WWOX: variants seen among roughly 807,000 people sequenced by gnomAD.
The protein encoded by WWOX is WW domain-containing oxidoreductase.
WWOX carries 69 observed loss-of-function variants against 46.2 expected under a neutral mutation model. The observed-to-expected ratio is 1.49, with a 90% confidence interval of 1.23 to 1.82. WWOX has a LOEUF of 1.82. WWOX is among the 40% of genes most tolerant of loss of function. The pLI is 0.00. For synonymous variants in WWOX, 359 were observed against 202.6 expected (o/e 1.77, Z -6.56); for missense variants, 919 against 542.6 (o/e 1.69, Z -6.89).
Position 78,753,315 on chromosome 16 carries a change from T to G in WWOX, c.1056+320563T>G, listed in dbSNP as rs138293123. 7.3e-3 allele frequency among the ~76,000 whole-genome samples: 1,097 copies of G among 150,476 alleles called. 7 individuals carry two copies. The highest frequency in any genetic ancestry group is 0.025 in the African/African-American group (1,002 of 40,546). On this transcript the variant is annotated intron_variant, in intron 8 of 8. Transcript: ENST00000566780. ...GCCTGAGCGACAGAGTGAGACTCCG[T>G]CTCAAAAAAAAAGAAAAAAGAAAGA...
chr16:78,827,050 G>A (rs2051676999), intron 8 of WWOX, among the ~76,000 whole-genome samples: 1 of 152,128 alleles, frequency 6.6e-6, no homozygotes, highest in Admixed American at 6.5e-5. Context: ...GATGGTGCAA[G>A]GGAACCAGAG....
chr16:78,451,229 G>C (rs1266941309), intron 8 of WWOX, among the ~76,000 whole-genome samples: 1 of 152,164 alleles, frequency 6.6e-6, no homozygotes, highest in Non-Finnish European at 1.5e-5. Flanking sequence ...CCAGGGATGG[G>C]TCCTCATGTT....
At chr16:78,849,714 A>G (rs1460572636) in intron 8 of WWOX, among the ~76,000 whole-genome samples, 1 of 152,070 alleles carries the variant, frequency 6.6e-6, no homozygotes, top group Non-Finnish European at 1.5e-5. Flanking sequence ...TCTAATCTTG[A>G]TGCAGTGAGC....
intron 8 of WWOX, among the ~76,000 whole-genome samples, chr16:78,711,661 C>T (rs571893799): frequency 4.6e-5 from 7 of 152,110 alleles, no homozygotes; most frequent in Non-Finnish European, 8.8e-5. Context: ...TTGAGACGAA[C>T]AGGCCAAATG....
At chr16:78,600,222 A>G (rs751212544) in intron 8 of WWOX, among the ~76,000 whole-genome samples, 1 of 152,046 alleles carries the variant, frequency 6.6e-6, no homozygotes, top group South Asian at 2.1e-4. Flanking sequence ...CTCCCACAAC[A>G]CATGGGAATT....
chr16:78,711,001 C>T (rs954290138), intron 8 of WWOX, among the ~76,000 whole-genome samples: 1 of 152,150 alleles, frequency 6.6e-6, no homozygotes, highest in African/African-American at 2.4e-5. Flanking sequence ...CCACAAATAA[C>T]TTACATGTTT....
intron 8 of WWOX, among the ~76,000 whole-genome samples, chr16:78,761,451 C>A (rs1314303065): frequency 6.6e-6 from 1 of 152,122 alleles, no homozygotes; most frequent in African/African-American, 2.4e-5. Flanking sequence ...TCAAACTCAC[C>A]ATTGTCACCG....
intron 8 of WWOX, among the ~76,000 whole-genome samples, chr16:78,847,869 C>T (rs189838390): frequency 8.3e-4 from 126 of 152,304 alleles, no homozygotes; most frequent in South Asian, 3.1e-3. Flanking sequence ...ATCTTAGCAG[C>T]AGAGGCATGA....
At chr16:79,094,394 C>T (rs1296770962) in intron 8 of WWOX, among the ~76,000 whole-genome samples, 3 of 152,104 alleles carry the variant, frequency 2.0e-5, no homozygotes, top group South Asian at 2.1e-4. Flanking sequence ...GGATTACAGG[C>T]GCCCGCCACC....
intron 8 of WWOX, among the ~76,000 whole-genome samples, chr16:79,057,878 A>G (rs548538898): frequency 6.6e-6 from 1 of 152,166 alleles, no homozygotes. Flanking sequence ...TTCCATATCC[A>G]TAATGTGCAA....
At chr16:78,651,808 C>T (rs1170479555) in intron 8 of WWOX, among the ~76,000 whole-genome samples, 1 of 152,208 alleles carries the variant, frequency 6.6e-6, no homozygotes, top group African/African-American at 2.4e-5. Flanking sequence ...AATCTGGCTT[C>T]TAACAAACTG....
At chr16:78,696,562 C>G (rs574242515) in intron 8 of WWOX, among the ~76,000 whole-genome samples, 2 of 152,168 alleles carry the variant, frequency 1.3e-5, no homozygotes, top group Non-Finnish European at 2.9e-5. Context: ...TCCCAGTGAT[C>G]ACAAGGGCAA....
At chr16:79,142,482 C>T (rs186302442) in intron 8 of WWOX, among the ~76,000 whole-genome samples, 1 of 152,292 alleles carries the variant, frequency 6.6e-6, no homozygotes, top group East Asian at 1.9e-4. Context: ...CCCTCCTCCC[C>T]ACCAAAGCTG....
intron 8 of WWOX, among the ~76,000 whole-genome samples, chr16:78,863,304 A>G (rs560375997): frequency 5.2e-4 from 79 of 152,352 alleles, no homozygotes; most frequent in African/African-American, 1.9e-3. Flanking sequence ...CACTCGCAGT[A>G]CATTCTCTAC....
At chr16:78,772,693 A>G (rs1035851096) in intron 8 of WWOX, among the ~76,000 whole-genome samples, 1 of 152,176 alleles carries the variant, frequency 6.6e-6, no homozygotes, top group Non-Finnish European at 1.5e-5. Flanking sequence ...TGTTTAGCTC[A>G]TTCCACAGGA....
At chr16:78,187,362 G>A (rs866665351) in intron 5 of WWOX, among the ~76,000 whole-genome samples, 1 of 152,180 alleles carries the variant, frequency 6.6e-6, no homozygotes, top group African/African-American at 2.4e-5. Context: ...TGTAATCCTA[G>A]CACTTTGGGA....
intron 8 of WWOX, among the ~76,000 whole-genome samples, chr16:79,042,438 ATTCCCTGGTTATTTATC>A (rs912172342): frequency 6.6e-6 from 1 of 152,182 alleles, no homozygotes; most frequent in Non-Finnish European, 1.5e-5. Context: ...GGAGAGATTG[ATTCCCTGGTTATTTATC>A]TTCCTCTGCC....
chr16:78,845,240 A>G (rs1051200050), intron 8 of WWOX, among the ~76,000 whole-genome samples: 4 of 150,560 alleles, frequency 2.7e-5, no homozygotes, highest in African/African-American at 9.8e-5. Flanking sequence ...TTAGTCTGCT[A>G]TTGTGGCTCA....
intron 4 of WWOX, among the ~76,000 whole-genome samples, chr16:78,155,810 C>A (rs547769174): frequency 6.6e-6 from 1 of 152,126 alleles, no homozygotes; most frequent in Non-Finnish European, 1.5e-5. Flanking sequence ...TTAAACTGGC[C>A]GTCAGCTGCA....
Sources: allele counts gnomAD v4.1 joint callset (sites outside exome capture counted in the v4.1 genomes callset), GRCh38; gene constraint gnomAD v4.1.1; transcripts MANE v1.5; gene names NCBI Gene and HGNC (gene_info 2026-07-23, HGNC 2026-07-21).